ZNF521: variants seen among roughly 807,000 people sequenced by gnomAD.
ZNF521 encodes zinc finger protein 521, also known as LYST-interacting protein 3.
Under a neutral mutation model 105.5 loss-of-function variants are expected in ZNF521, and 14 were observed. That is an observed-to-expected ratio of 0.13 (90% CI 0.09 to 0.21). The LOEUF (loss-of-function observed/expected upper bound fraction) is 0.21. ZNF521 is among the 10% of genes least tolerant of loss of function. ZNF521 has a pLI of 1.00. For missense variants in ZNF521, 1,233 were observed against 1,629.7 expected, an observed-to-expected ratio of 0.76 and a Z score of 4.19; for synonymous variants, 635 against 606.0, an observed-to-expected ratio of 1.05 and a Z score of -0.70.
intron 2 of ZNF521, among the ~76,000 whole-genome samples, chr18:25,344,589 CA>C (rs1914380488): frequency 1.3e-5 from 2 of 152,122 alleles, no homozygotes; most frequent in South Asian, 4.1e-4. Flanking sequence ...GACAGCACAA[CA>C]GGAGTCAATG....
chr18:25,221,030 G>A (rs1905688733), intron 4 of ZNF521, among the ~76,000 whole-genome samples: 1 of 152,206 alleles, frequency 6.6e-6, no homozygotes, highest in Admixed American at 6.5e-5. Flanking sequence ...TGTAGGTTAT[G>A]TGTAAATTTC....
At chr18:25,063,085 C>T (rs1215142616) in intron 7 of ZNF521, among the ~76,000 whole-genome samples, 1 of 152,158 alleles carries the variant, frequency 6.6e-6, no homozygotes, top group African/African-American at 2.4e-5. Flanking sequence ...CTCTGCCATG[C>T]CTTTCTATAA....
intron 5 of ZNF521, among the ~76,000 whole-genome samples, chr18:25,112,569 T>C (rs976829161): frequency 6.6e-6 from 1 of 152,164 alleles, no homozygotes; most frequent in African/African-American, 2.4e-5. Context: ...CACACTCCCA[T>C]CCAGCGCATC....
chr18:25,163,664 G>A (rs1429276682), intron 5 of ZNF521, among the ~76,000 whole-genome samples: 3 of 152,152 alleles, frequency 2.0e-5, no homozygotes, highest in Non-Finnish European at 4.4e-5. Context: ...AAGGTAAACT[G>A]CCTCTAACCA....
chr18:25,136,328 C>T (rs568502066), intron 5 of ZNF521, among the ~76,000 whole-genome samples: 4 of 152,206 alleles, frequency 2.6e-5, no homozygotes, highest in Admixed American at 6.5e-5. Context: ...TTCAGATCAC[C>T]TAGTTCAACT....
chr18:25,349,489 C>A (rs1020609831), intron 2 of ZNF521, among the ~76,000 whole-genome samples: 1 of 152,232 alleles, frequency 6.6e-6, no homozygotes, highest in African/African-American at 2.4e-5. Context: ...AGCAAGCGTT[C>A]CAATCTGCGA....
chr18:25,125,218 C>A (rs1045171285), intron 5 of ZNF521, among the ~76,000 whole-genome samples: 1 of 151,962 alleles, frequency 6.6e-6, no homozygotes. Flanking sequence ...TCTTATCTAG[C>A]CACATGGGAA....
chr18:25,199,450 T>C (rs1311110706), intron 4 of ZNF521, among the ~76,000 whole-genome samples: 3 of 152,114 alleles, frequency 2.0e-5, no homozygotes, highest in East Asian at 3.9e-4. Context: ...AGCTGATTAT[T>C]AGATGCTATC....
chr18:25,154,154 C>T (rs983495786), intron 5 of ZNF521, among the ~76,000 whole-genome samples: 4 of 152,150 alleles, frequency 2.6e-5, no homozygotes, highest in African/African-American at 9.7e-5. Context: ...TGATTTCATT[C>T]TGGTTCAAGC....
rs1906269349 is a variant in ZNF521, at chr18:25,227,765, T to C, written c.221-68A>G. 1 of 1,372,792 alleles carries C rather than the reference T, an allele frequency of 7.3e-7. No homozygotes were observed. The highest frequency in any genetic ancestry group is 9.9e-7 in the Non-Finnish European group (1 of 1,007,498). 85.0% of individuals were successfully genotyped at this position (1,372,792 alleles called of 1,614,324 possible). ...ATTCAAGAGTGAGTTTACCGTAGCA[T>C]TTCAACCAGCACGCAGAGTTGGGCC... On this transcript the variant is annotated intron_variant, in intron 3 of 7. Transcript: ENST00000361524. The surrounding 1 kb of genome is among the most constrained non-coding windows in gnomAD (Gnocchi z 5.7).
At chr18:25,264,222 T>C (rs1221757955) in intron 3 of ZNF521, among the ~76,000 whole-genome samples, 1 of 152,188 alleles carries the variant, frequency 6.6e-6, no homozygotes, top group Non-Finnish European at 1.5e-5. Flanking sequence ...ATGAGGGGAT[T>C]AGGATATTCA....
chr18:25,182,554 T>G (rs1235204728), intron 5 of ZNF521, among the ~76,000 whole-genome samples: 1 of 152,330 alleles, frequency 6.6e-6, no homozygotes, highest in African/African-American at 2.4e-5. Flanking sequence ...GCTATCTCCT[T>G]TATTCATTCT....
intron 5 of ZNF521, among the ~76,000 whole-genome samples, chr18:25,100,259 G>T (rs1364844081): frequency 2.6e-5 from 4 of 152,130 alleles, no homozygotes; most frequent in Non-Finnish European, 5.9e-5. Context: ...ACAAGAAATT[G>T]AGTGAGGTTC....
chr18:25,338,756 C>T (rs927682296), intron 2 of ZNF521, among the ~76,000 whole-genome samples: 8 of 152,132 alleles, frequency 5.3e-5, no homozygotes, highest in African/African-American at 1.9e-4. Flanking sequence ...TGTTGATGCA[C>T]TATCACAGTT....
chr18:25,108,682 T>A (rs892416896), intron 5 of ZNF521, among the ~76,000 whole-genome samples: 2 of 152,208 alleles, frequency 1.3e-5, no homozygotes, highest in African/African-American at 4.8e-5. Context: ...TGGAGTGCAG[T>A]GGCTCGATCT....
At chr18:25,207,663 T>G (rs1041210856) in intron 4 of ZNF521, among the ~76,000 whole-genome samples, 4 of 152,192 alleles carry the variant, frequency 2.6e-5, no homozygotes, top group Non-Finnish European at 4.4e-5. Flanking sequence ...GTGAGCTTTT[T>G]ATATGTACAC....
chr18:25,273,080 A>AG (rs1328719253), intron 3 of ZNF521, among the ~76,000 whole-genome samples: 1 of 151,570 alleles, frequency 6.6e-6, no homozygotes, highest in Non-Finnish European at 1.5e-5. Context: ...TAAAAAATTT[A>AG]GCCAGGCACG....
At chr18:25,188,430 T>C (rs1178700456) in intron 5 of ZNF521, among the ~76,000 whole-genome samples, 1 of 152,184 alleles carries the variant, frequency 6.6e-6, no homozygotes, top group African/African-American at 2.4e-5. Context: ...CCTTTTCCTT[T>C]GATGTGTGTG....
intron 4 of ZNF521, among the ~76,000 whole-genome samples, chr18:25,221,556 G>T (rs1905728790): frequency 1.3e-5 from 2 of 151,992 alleles, no homozygotes; most frequent in Non-Finnish European, 2.9e-5. Flanking sequence ...TTCACTTCTG[G>T]AGTCTCAAGC....
Sources: allele counts gnomAD v4.1 joint callset (sites outside exome capture counted in the v4.1 genomes callset), GRCh38; gene constraint gnomAD v4.1.1; non-coding constraint Gnocchi (gnomAD v3.1); transcripts MANE v1.5; gene names NCBI Gene and HGNC (gene_info 2026-07-23, HGNC 2026-07-21).